CPB2: variants seen among roughly 807,000 people sequenced by gnomAD.
The protein encoded by CPB2 is carboxypeptidase B-like protein.
CPB2 carries 54 observed loss-of-function variants against 57.0 expected under a neutral mutation model. That is an observed-to-expected ratio of 0.95 (90% confidence interval 0.76 to 1.19). The LOEUF (loss-of-function observed/expected upper bound fraction) is 1.19. Among genes scored for constraint, CPB2 ranks in the 50% most tolerant of loss-of-function variants. CPB2 has a pLI of 0.00. For synonymous variants in CPB2, 189 were observed against 178.1 expected (o/e 1.06, Z -0.49); for missense variants, 426 against 512.0 (o/e 0.83, Z 1.62).
At chr13:46,087,951 T>A in intron 1 of CPB2, 131 bp from the exon 2 acceptor site, 2 of 601,142 alleles carry the variant, frequency 3.3e-6, no homozygotes, top group Non-Finnish European at 5.8e-6. Flanking sequence ...ACAGAGGATC[T>A]TACTACAGAT....
chr13:46,074,158 T>A (rs1410982574), intron 5 of CPB2, among the ~76,000 whole-genome samples, 181 bp from the exon 6 acceptor site: 4 of 152,204 alleles, frequency 2.6e-5, no homozygotes, highest in South Asian at 4.1e-4. Context: ...GTGACATTAG[T>A]TAAGGTAGCA....
intron 6 of CPB2, among the ~76,000 whole-genome samples, chr13:46,067,701 T>C (rs2044877507): frequency 6.6e-6 from 1 of 152,212 alleles, no homozygotes; most frequent in Non-Finnish European, 1.5e-5. Context: ...ATTAAAGCCA[T>C]AGAGCCCACT....
chr13:46,054,986 A>C (rs2044677460), intron 10 of CPB2, among the ~76,000 whole-genome samples: 1 of 151,416 alleles, frequency 6.6e-6, no homozygotes, highest in South Asian at 2.1e-4. Context: ...CCTGACCTCA[A>C]GTGATCCTCC....
At chr13:46,083,987 T>C (rs1377893123) in intron 3 of CPB2, among the ~76,000 whole-genome samples, 2 of 152,102 alleles carry the variant, frequency 1.3e-5, no homozygotes, top group Non-Finnish European at 2.9e-5. Flanking sequence ...AATCACTGAG[T>C]CTAACCTGCA....
chr13:46,053,399 G>T lies in CPB2; in HGVS notation c.*215C>A. 1 of 594,588 alleles carries T rather than the reference G, an allele frequency of 1.7e-6. No individual in the cohort carries two copies. Among genetic ancestry groups the T allele is most frequent in the Non-Finnish European group, 2.5e-6 (1 of 397,478 alleles). The allele number at this position is 594,588 out of a possible 1,614,324, so 36.8% of individuals were successfully genotyped here. On this transcript the variant is annotated 3_prime_UTR_variant, in exon 11 of 11. Transcript: ENST00000181383. Reference sequence around the variant, plus strand: ...AAATCAAAGAAAAAGTAGGTAACTAGACTTTTACAATTTTTTTTAAAGGGT... The same window carrying T: ...AAATCAAAGAAAAAGTAGGTAACTATACTTTTACAATTTTTTTTAAAGGGT...
At chr13:46,055,503 A>G (rs545693798) in intron 10 of CPB2, among the ~76,000 whole-genome samples, 3 of 152,334 alleles carry the variant, frequency 2.0e-5, no homozygotes, top group Non-Finnish European at 2.9e-5. Context: ...GTATGATGCC[A>G]ATTCTGTAAT....
chr13:46,079,562 A>G (rs1345877033), intron 4 of CPB2, among the ~76,000 whole-genome samples: 6 of 151,464 alleles, frequency 4.0e-5, no homozygotes, highest in African/African-American at 1.5e-4. Context: ...AAAAGAAAAG[A>G]AAAGAAAAGA....
rs750468952 is a variant in CPB2 at position 46,084,319 on chromosome 13, C to T, written c.175G>A (p.Ala59Thr). Reference protein sequence around the residue: ...YEIVLWQPVTADLIVKKKQVH... With the variant: ...YEIVLWQPVTTDLIVKKKQVH... ...TGTTTTTTCTTCACAATAAGGTCAG[C>T]TGTTACCGGCTGCCAGAGAACAATC... The change falls in exon 3 of 11, where the codon GCT (alanine) becomes ACT (threonine). Residue 59 changes from alanine to threonine, a missense_variant. Ala to Thr is a moderately conservative substitution (Grantham distance 58). Transcript: ENST00000181383. 6.2e-7 allele frequency: 1 copy of T among 1,614,106 alleles called. No individual in the cohort carries two copies. Among genetic ancestry groups the T allele is most frequent in the Non-Finnish European group, 8.5e-7 (1 of 1,180,018 alleles).
intron 1 of CPB2, among the ~76,000 whole-genome samples, chr13:46,103,146 G>T (rs986696836): frequency 1.3e-5 from 2 of 152,198 alleles, no homozygotes; most frequent in African/African-American, 2.4e-5. Flanking sequence ...AGCTTTTAGT[G>T]TGTTTTGCTA....
chr13:46,072,888 T>C (rs2139374110), intron 6 of CPB2, among the ~76,000 whole-genome samples: 2 of 152,306 alleles, frequency 1.3e-5, no homozygotes, highest in Admixed American at 1.3e-4. Context: ...GATCATGATG[T>C]GACTGGGATA....
chr13:46,070,664 A>G (rs970757917), intron 6 of CPB2, among the ~76,000 whole-genome samples: 1 of 152,172 alleles, frequency 6.6e-6, no homozygotes, highest in African/African-American at 2.4e-5. Context: ...AAAAAAAAAT[A>G]TAAGACACAT....
chr13:46,067,094 T>C (rs2044867727), intron 7 of CPB2, among the ~76,000 whole-genome samples: 1 of 151,976 alleles, frequency 6.6e-6, no homozygotes, highest in African/African-American at 2.4e-5. Context: ...TGGTCATGAG[T>C]TAATTATTGT....
At chr13:46,075,541 G>C (rs1033394229) in intron 5 of CPB2, among the ~76,000 whole-genome samples, 8 of 152,192 alleles carry the variant, frequency 5.3e-5, no homozygotes, top group African/African-American at 1.9e-4. Context: ...AATGTCATGG[G>C]TGGATATGCC....
At chr13:46,104,499 T>G (rs2045470858) in intron 1 of CPB2, among the ~76,000 whole-genome samples, 1 of 152,218 alleles carries the variant, frequency 6.6e-6, no homozygotes, top group South Asian at 2.1e-4. Context: ...TAATCATGCA[T>G]GATCCAAACC....
intron 1 of CPB2, among the ~76,000 whole-genome samples, chr13:46,096,694 G>T (rs1209546391): frequency 6.6e-6 from 1 of 152,010 alleles, no homozygotes; most frequent in Non-Finnish European, 1.5e-5. Flanking sequence ...CAGGAGAATT[G>T]CTTGAACCCA....
At chr13:46,084,440 T>C (rs2045168917) in intron 2 of CPB2, 97 bp from the exon 3 acceptor site, 4 of 1,347,570 alleles carry the variant, frequency 3.0e-6, no homozygotes, top group Admixed American at 2.0e-5. Flanking sequence ...CTATAAGGAG[T>C]ATGAAAAGGA....
chr13:46,072,827 C>G (rs990325770), intron 6 of CPB2, among the ~76,000 whole-genome samples: 9 of 152,184 alleles, frequency 5.9e-5, no homozygotes, highest in African/African-American at 2.2e-4. Flanking sequence ...TTAACTGCTG[C>G]TCCCTTCACT....
intron 1 of CPB2, among the ~76,000 whole-genome samples, chr13:46,101,553 T>C (rs2045434142): frequency 6.6e-6 from 1 of 152,138 alleles, no homozygotes; most frequent in Non-Finnish European, 1.5e-5. Context: ...CTACGCAAAA[T>C]GTCATGGGGC....
At chr13:46,082,387 G>T in intron 4 of CPB2, 54 bp downstream of exon 4, 1 of 1,008,720 alleles carries the variant, frequency 9.9e-7, no homozygotes. Context: ...TGATTGAAAT[G>T]GCAATACTGG....
Sources: allele counts gnomAD v4.1 joint callset (sites outside exome capture counted in the v4.1 genomes callset), GRCh38; gene constraint gnomAD v4.1.1; transcripts MANE v1.5; gene names NCBI Gene and HGNC (gene_info 2026-07-23, HGNC 2026-07-21).